GRIA1: variants seen among roughly 807,000 people sequenced by gnomAD.
GRIA1 encodes glutamate receptor 1.
In GRIA1, 31 loss-of-function variants were observed where a neutral mutation model predicts 99.2. The observed-to-expected ratio is 0.31, with a 90% confidence interval of 0.23 to 0.42. GRIA1 has a LOEUF of 0.42. Ranked by LOEUF, GRIA1 falls within the 10% of genes least tolerant of loss-of-function variation. The pLI is 1.00. For missense variants in GRIA1, 782 were observed against 1,157.5 expected (o/e 0.68, Z 4.71); for synonymous variants, 438 against 432.4 (o/e 1.01, Z -0.16).
chr5:153,788,838 A>C (rs1408678720), intron 13 of GRIA1, among the ~76,000 whole-genome samples: 3 of 152,146 alleles, frequency 2.0e-5, no homozygotes, highest in Non-Finnish European at 4.4e-5. Context: ...TTTCCCACTC[A>C]ATGTAGATGT....
At chr5:153,788,933 T>C (rs1412736741) in intron 13 of GRIA1, among the ~76,000 whole-genome samples, 2 of 152,222 alleles carry the variant, frequency 1.3e-5, no homozygotes, top group Non-Finnish European at 2.9e-5. Flanking sequence ...GACAGCCAAT[T>C]CCATTTCCTT....
chr5:153,510,904 A>G (rs1756004579), intron 2 of GRIA1, among the ~76,000 whole-genome samples: 1 of 152,092 alleles, frequency 6.6e-6, no homozygotes, highest in Non-Finnish European at 1.5e-5. Context: ...TGATGTTCTG[A>G]GGATATTAAT....
intron 13 of GRIA1, among the ~76,000 whole-genome samples, chr5:153,784,669 C>T (rs1764858637): frequency 6.6e-6 from 1 of 152,102 alleles, no homozygotes; most frequent in Admixed American, 6.5e-5. Flanking sequence ...TTTTCTTTTG[C>T]TTGGTCACTG....
intron 11 of GRIA1, among the ~76,000 whole-genome samples, chr5:153,709,577 A>T (rs1300103570): frequency 6.6e-6 from 1 of 152,212 alleles, no homozygotes; most frequent in African/African-American, 2.4e-5. Context: ...ATATAAGAAA[A>T]GTGGTAGCAG....
At chr5:153,698,228 G>T in intron 9 of GRIA1, 74 bp downstream of exon 9, 1 of 785,848 alleles carries the variant, frequency 1.3e-6, no homozygotes. Context: ...CACCAGGACT[G>T]AAAGCTGGCC....
intron 2 of GRIA1, among the ~76,000 whole-genome samples, chr5:153,601,376 T>C (rs1259831922): frequency 1.3e-5 from 2 of 152,238 alleles, no homozygotes; most frequent in Non-Finnish European, 2.9e-5. Context: ...GCCCACATAC[T>C]TCACAAAGAG....
chr5:153,784,744 A>C (rs1764864713), intron 13 of GRIA1, among the ~76,000 whole-genome samples: 1 of 152,170 alleles, frequency 6.6e-6, no homozygotes, highest in Non-Finnish European at 1.5e-5. Context: ...ATGGGGTCTG[A>C]GTTGTCTGCC....
chr5:153,576,007 T>C (rs1418139526), intron 2 of GRIA1, among the ~76,000 whole-genome samples: 2 of 152,214 alleles, frequency 1.3e-5, no homozygotes, highest in Admixed American at 6.5e-5. Flanking sequence ...TTGATTAAGA[T>C]ACAGGTAGTT....
At chr5:153,573,574 C>T (rs992778864) in intron 2 of GRIA1, among the ~76,000 whole-genome samples, 5 of 152,086 alleles carry the variant, frequency 3.3e-5, no homozygotes, top group Admixed American at 2.0e-4. Context: ...AATTCTGCTA[C>T]CAGCTGGCTG....
At chr5:153,809,325 A>T (rs71590116) in intron 15 of GRIA1, among the ~76,000 whole-genome samples, 523 of 152,296 alleles carry the variant, frequency 3.4e-3, no homozygotes, top group Non-Finnish European at 4.7e-3. Context: ...CTTTTTCTTC[A>T]ATGGAAGACA....
intron 9 of GRIA1, among the ~76,000 whole-genome samples, chr5:153,698,637 G>A (rs1293450229): frequency 6.6e-6 from 1 of 152,132 alleles, no homozygotes; most frequent in East Asian, 1.9e-4. Flanking sequence ...AATTTGAAAA[G>A]CTGTATGCCA....
intron 14 of GRIA1, among the ~76,000 whole-genome samples, chr5:153,800,488 C>T (rs541510658): frequency 6.6e-6 from 1 of 152,308 alleles, no homozygotes; most frequent in South Asian, 2.1e-4. Flanking sequence ...CTTATCAGGC[C>T]ATTATAGAAG....
At chr5:153,646,126 C>T (rs1020435846) in intron 2 of GRIA1, among the ~76,000 whole-genome samples, 2 of 152,192 alleles carry the variant, frequency 1.3e-5, no homozygotes, top group African/African-American at 4.8e-5. Flanking sequence ...CAACCACAAA[C>T]CAGGATTGGC....
At chr5:153,701,491 G>A (rs897557206) in intron 10 of GRIA1, among the ~76,000 whole-genome samples, 2 of 151,728 alleles carry the variant, frequency 1.3e-5, no homozygotes, top group Non-Finnish European at 2.9e-5. Context: ...GTGGGCGCCT[G>A]TAGTCCTAGG....
rs141793915 is a variant in GRIA1, at chr5:153,711,780, A to G, written c.1823+5713A>G. ...TCCCAATGGCTTCTCCATGGCATCA[A>G]TATTTTCCTGGGTTCAGGTGACCTT... On this transcript the variant is annotated intron_variant, in intron 11 of 15. Transcript: ENST00000285900. Among the ~76,000 whole-genome samples the G allele has an allele frequency of 1.2e-4, 18 of 152,266 alleles. No homozygotes were observed. In the East Asian group the frequency reaches 3.1e-3, roughly 26 times the overall value.
chr5:153,575,638 G>A (rs892557738), intron 2 of GRIA1, among the ~76,000 whole-genome samples: 5 of 152,152 alleles, frequency 3.3e-5, no homozygotes, highest in African/African-American at 1.2e-4. Flanking sequence ...GCAGAACTGG[G>A]ACTCGAAGTC....
chr5:153,498,714 T>C (rs868021376), intron 2 of GRIA1, among the ~76,000 whole-genome samples: 11 of 152,046 alleles, frequency 7.2e-5, no homozygotes, highest in African/African-American at 2.7e-4. Flanking sequence ...GGCATAAAAA[T>C]CCAGATTTCT....
At chr5:153,740,163 A>G (rs1185658536) in intron 11 of GRIA1, among the ~76,000 whole-genome samples, 1 of 152,266 alleles carries the variant, frequency 6.6e-6, no homozygotes, top group African/African-American at 2.4e-5. Context: ...CCCAAGGAAC[A>G]TTTGTTGACT....
intron 2 of GRIA1, among the ~76,000 whole-genome samples, chr5:153,499,613 CAAAAAAAAAAAA>C (rs70976100): frequency 4.7e-5 from 2 of 42,126 alleles, no homozygotes; most frequent in African/African-American, 1.9e-4. Context: ...GAATTTGTCT[CAAAAAAAAAAAA>C]AAAAAAAAAA....
Sources: gnomAD v4.1 joint callset for allele counts (sites outside exome capture counted in the v4.1 genomes callset) on GRCh38, gnomAD v4.1.1 for gene constraint, MANE v1.5 for transcripts, NCBI Gene and HGNC (gene_info 2026-07-23, HGNC 2026-07-21) for gene names.